Variants in PLEKHG4B observed in about 807,000 individuals in gnomAD.
PLEKHG4B encodes the protein pleckstrin homology and RhoGEF domain containing G4B, also known as pleckstrin homology domain-containing family G member 4B.
In PLEKHG4B, 111 loss-of-function variants were observed where a neutral mutation model predicts 121.3. That is an observed-to-expected ratio of 0.92 (90% confidence interval 0.78 to 1.07). The LOEUF (loss-of-function observed/expected upper bound fraction) is 1.07, where lower values mean the gene tolerates loss of function less well. PLEKHG4B is among the 50% of genes least tolerant of loss of function. The pLI is 0.00. For missense variants in PLEKHG4B, 1,831 were observed against 1,757.8 expected, an observed-to-expected ratio of 1.04 and a Z score of -0.74; for synonymous variants, 738 against 725.0, an observed-to-expected ratio of 1.02 and a Z score of -0.29.
chr5:132,875 G>A (rs992306637), intron 2 of PLEKHG4B, among the ~76,000 whole-genome samples: 5 of 152,086 alleles, frequency 3.3e-5, no homozygotes, highest in Non-Finnish European at 7.4e-5. Flanking sequence ...TGGCTGTGTG[G>A]GGTCTTTTTT....
At chr5:172,585 G>A (rs1268806880) in intron 16 of PLEKHG4B, among the ~76,000 whole-genome samples, 5 of 152,236 alleles carry the variant, frequency 3.3e-5, no homozygotes, top group African/African-American at 7.2e-5. Flanking sequence ...AACGGGGGCC[G>A]GGGTGGGGGT....
intron 2 of PLEKHG4B, among the ~76,000 whole-genome samples, chr5:122,854 CAGAT>C (rs1302348576): frequency 9.1e-4 from 139 of 152,298 alleles, no homozygotes; most frequent in Non-Finnish European, 5.6e-4. Context: ...TTACCAGAGA[CAGAT>C]AGGGACAATT....
rs1735792944 is a variant in PLEKHG4B at position 156,703 on chromosome 5, G to T, written c.2349-70G>T. 9 of 1,488,314 alleles carry T rather than the reference G, an allele frequency of 6.0e-6. No homozygotes were observed. The Admixed American group carries it at 1.6e-4, about 26-fold the overall frequency. The allele number at this position is 1,488,314 out of a possible 1,614,324, so 92.2% of individuals were successfully genotyped here. ...AATGGAAAGAGCAGGGTTTTTATAT[G>T]GGGTTGTCACCAAGAGCAGATTCCT... On this transcript the variant is annotated intron_variant, in intron 10 of 19. Transcript: ENST00000637938. The surrounding 1 kb of genome is among the most constrained non-coding windows in gnomAD (Gnocchi z 4.4).
chr5:171,526 C>G (rs1006417331), intron 16 of PLEKHG4B, 82 bp downstream of exon 16: 1 of 1,341,054 alleles, frequency 7.5e-7, no homozygotes, highest in Non-Finnish European at 1.0e-6. Context: ...CCCAGCAGCA[C>G]ACTTTTCTTG....
chr5:152,409 C>A (rs1277655793), intron 7 of PLEKHG4B, among the ~76,000 whole-genome samples: 1 of 150,762 alleles, frequency 6.6e-6, no homozygotes, highest in East Asian at 1.9e-4. Flanking sequence ...CAGGTTCTTG[C>A]TATGTTGCCT....
chr5:152,455 C>T (rs1318834891), intron 7 of PLEKHG4B, among the ~76,000 whole-genome samples: 1 of 152,084 alleles, frequency 6.6e-6, no homozygotes, highest in Non-Finnish European at 1.5e-5. Flanking sequence ...AGGCAGTCCT[C>T]CCACCTTGGC....
intron 2 of PLEKHG4B, among the ~76,000 whole-genome samples, chr5:114,614 T>C (rs988113360): frequency 1.3e-5 from 2 of 152,136 alleles, no homozygotes; most frequent in African/African-American, 2.4e-5. Context: ...CCCACCACCA[T>C]GCCTGGCTGA....
At chr5:103,634 T>C (rs1291968754) in intron 1 of PLEKHG4B, among the ~76,000 whole-genome samples, 1 of 152,244 alleles carries the variant, frequency 6.6e-6, no homozygotes, top group Non-Finnish European at 1.5e-5. Flanking sequence ...ACATGTGATA[T>C]TTTGATACAT....
At chr5:134,312 G>C (rs1734880377) in intron 2 of PLEKHG4B, among the ~76,000 whole-genome samples, 1 of 151,520 alleles carries the variant, frequency 6.6e-6, no homozygotes, top group Admixed American at 6.6e-5. Context: ...ATAGACTTTG[G>C]GGATTCATGG....
intron 3 of PLEKHG4B, among the ~76,000 whole-genome samples, chr5:141,923 A>G (rs1427918474): frequency 4.0e-5 from 6 of 151,740 alleles, no homozygotes; most frequent in Non-Finnish European, 7.4e-5. Flanking sequence ...AACCCCTCCT[A>G]CCTGCCTGGC....
At chr5:104,003 G>A (rs1733897822) in intron 1 of PLEKHG4B, among the ~76,000 whole-genome samples, 1 of 151,914 alleles carries the variant, frequency 6.6e-6, no homozygotes, top group South Asian at 2.1e-4. Flanking sequence ...CCACAGCCCA[G>A]TCCCAGCACC....
At chr5:102,114 G>T (rs1733837020) in intron 1 of PLEKHG4B, among the ~76,000 whole-genome samples, 1 of 149,388 alleles carries the variant, frequency 6.7e-6, no homozygotes, top group Non-Finnish European at 1.5e-5. Context: ...AGACTGTTGT[G>T]AGGTTAATCC....
At chr5:128,596 G>A (rs1368790701) in intron 2 of PLEKHG4B, among the ~76,000 whole-genome samples, 7 of 152,226 alleles carry the variant, frequency 4.6e-5, no homozygotes, top group Admixed American at 3.9e-4. Context: ...AGGTGGGGCT[G>A]CCAGTGGGGC....
chr5:175,408 C>G (rs943607920), intron 18 of PLEKHG4B, among the ~76,000 whole-genome samples: 9 of 152,136 alleles, frequency 5.9e-5, no homozygotes, highest in South Asian at 2.1e-4. Context: ...AACCACCCCC[C>G]ACCCCAGACC....
At chr5:127,192 G>A (rs1010551714) in intron 2 of PLEKHG4B, among the ~76,000 whole-genome samples, 5 of 152,014 alleles carry the variant, frequency 3.3e-5, no homozygotes, top group South Asian at 2.1e-4. Context: ...TCTGCAGCTC[G>A]ATTTTAAAGG....
intron 2 of PLEKHG4B, among the ~76,000 whole-genome samples, chr5:138,051 G>C (rs904476621): frequency 1.8e-4 from 27 of 152,238 alleles, no homozygotes; most frequent in African/African-American, 5.5e-4. Flanking sequence ...TATGGACTGT[G>C]GGTCTGGAGT....
rs568018592 is a variant in PLEKHG4B, at chr5:157,400, G to A, written c.2487+489G>A. On this transcript the variant is annotated intron_variant, in intron 11 of 19. Coordinates refer to ENST00000637938, the MANE Select transcript of PLEKHG4B (RefSeq NM_052909.5). This position sits in a 1 kb window ranked among gnomAD's most constrained non-coding sequence, Gnocchi z 4.6. ...GTTTTAAAGAAAAGAGGACAAATCG[G>A]GAGGGGGTGATGACGGAAGTGGCTT... 1.3e-5 allele frequency among the ~76,000 whole-genome samples: 2 copies of A among 152,298 alleles called. No individual in the cohort carries two copies. The highest frequency in any genetic ancestry group is 3.9e-4 in the East Asian group (2 of 5,156).
Position 161,824 on chromosome 5 carries a change from G to T in PLEKHG4B, c.2529G>T (p.Pro843=). The T allele has an allele frequency of 3.1e-6, 5 of 1,613,870 alleles. No individual in the cohort carries two copies. The highest frequency in any genetic ancestry group is 4.2e-6 in the Non-Finnish European group (5 of 1,180,028). Residue 843 remains proline, a synonymous_variant, in exon 12 of 20, where the codon CCG becomes CCT. Transcript: ENST00000637938. ...QKGLQLAKEN[P]QRTEEMVQDF... ...GACTACAGCTGGCGAAGGAGAACCC[G>T]CAACGTACAGAGGAAATGGTCCAGG... is the stretch of plus-strand genomic sequence containing the variant.
intron 1 of PLEKHG4B, among the ~76,000 whole-genome samples, chr5:107,647 G>T (rs1030155535): frequency 4.6e-5 from 7 of 152,250 alleles, no homozygotes; most frequent in Non-Finnish European, 1.0e-4. Flanking sequence ...CCTGGGTCTG[G>T]CCTCACCCTG....
Sources: gnomAD v4.1 joint callset for allele counts (sites outside exome capture counted in the v4.1 genomes callset) on GRCh38, gnomAD v4.1.1 for gene constraint, Gnocchi (gnomAD v3.1) non-coding constraint, MANE v1.5 for transcripts, NCBI Gene and HGNC (gene_info 2026-07-23, HGNC 2026-07-21) for gene names.